Variants in ROBO1 observed in about 807,000 individuals in gnomAD.
ROBO1 encodes roundabout homolog 1.
A neutral mutation model predicts 195.9 loss-of-function variants in ROBO1; 149 were observed. The observed-to-expected ratio is 0.76, with a 90% CI of 0.67 to 0.87. The LOEUF is 0.87. Among genes scored for constraint, ROBO1 ranks in the 40% least tolerant of loss-of-function variants. The probability of loss-of-function intolerance (pLI) is 0.00; values close to 1 mark genes in which losing one functional copy is unlikely to be tolerated. For synonymous variants in ROBO1, 816 were observed against 733.2 expected, an observed-to-expected ratio of 1.11 and a Z score of -1.82; for missense variants, 1,933 against 2,068.3, an observed-to-expected ratio of 0.93 and a Z score of 1.27.
At chr3:79,018,788 T>C in intron 3 of ROBO1, 1 of 1,072,974 alleles carries the variant, frequency 9.3e-7, no homozygotes, top group Non-Finnish European at 1.1e-6. Context: ...GCCTCCACGG[T>C]CTTGCGGAGC....
intron 2 of ROBO1, among the ~76,000 whole-genome samples, chr3:79,265,158 T>C (rs1356418118): frequency 1.3e-5 from 2 of 151,894 alleles, no homozygotes; most frequent in Non-Finnish European, 2.9e-5. Flanking sequence ...ATAATATACA[T>C]AAAATTATGT....
chr3:78,884,619 AAG>A (rs200727951), intron 4 of ROBO1, among the ~76,000 whole-genome samples: 31 of 128,914 alleles, frequency 2.4e-4, no homozygotes, highest in African/African-American at 6.6e-4. Context: ...GAGAGAAAGA[AAG>A]AGAGAAAGAA....
rs189187433 is a variant in ROBO1 at position 79,567,283 on chromosome 3, G to A, written c.88+22541C>T. Among the ~76,000 whole-genome samples, 91 of 152,046 alleles carry A rather than the reference G, an allele frequency of 6.0e-4. No homozygotes were observed. The South Asian group carries it at 8.9e-3, about 15-fold the overall frequency. ...AGAGAATGGGAAGAGGAAGAGTATC[G>A]GGCACTAGGCTTAATACCTGGGTGA... On this transcript the variant is annotated intron_variant, in intron 2 of 30. Coordinates refer to ENST00000464233, the MANE Select transcript of ROBO1 (RefSeq NM_002941.4).
chr3:79,087,801 T>C (rs1013513763), intron 3 of ROBO1, among the ~76,000 whole-genome samples: 3 of 152,104 alleles, frequency 2.0e-5, no homozygotes, highest in Non-Finnish European at 4.4e-5. Context: ...TAAAGACAAC[T>C]TGAGTAGCCT....
rs575897177 is a variant in ROBO1, at chr3:79,310,058, G to C, written c.89-184519C>G. On this transcript the variant is annotated intron_variant, in intron 2 of 30. Transcript: ENST00000464233. Reference sequence around the variant, plus strand: ...CACAATCTAATATGGGGCACACCAGGACCCAAACAGGCCTTGTCTTAGGCC... The same window carrying C: ...CACAATCTAATATGGGGCACACCAGCACCCAAACAGGCCTTGTCTTAGGCC... 3.2e-4 allele frequency among the ~76,000 whole-genome samples: 48 copies of C among 152,120 alleles called. 1 individual carries two copies. In the South Asian group the frequency reaches 6.4e-3, roughly 20 times the overall value.
intron 2 of ROBO1, among the ~76,000 whole-genome samples, chr3:79,293,248 T>C (rs2032366494): frequency 6.6e-6 from 1 of 152,174 alleles, no homozygotes; most frequent in Non-Finnish European, 1.5e-5. Context: ...ATTTTTATTG[T>C]GTCTATTTGA....
chr3:79,145,937 A>C (rs2080639813), intron 2 of ROBO1, among the ~76,000 whole-genome samples: 1 of 151,966 alleles, frequency 6.6e-6, no homozygotes, highest in African/African-American at 2.4e-5. Context: ...GTGATTAGAG[A>C]TTACTTAATT....
intron 2 of ROBO1, among the ~76,000 whole-genome samples, chr3:79,178,763 G>A (rs1281633176): frequency 2.0e-5 from 3 of 152,184 alleles, no homozygotes; most frequent in Admixed American, 2.0e-4. Context: ...AATCACAGAT[G>A]CTGGGGGATT....
chr3:78,860,010 C>T (rs1191939207), intron 4 of ROBO1, among the ~76,000 whole-genome samples: 3 of 150,604 alleles, frequency 2.0e-5, no homozygotes, highest in South Asian at 2.1e-4. Context: ...ACCCAGGAGG[C>T]GGAGCTTGCA....
chr3:79,254,036 T>A (rs1232481765), intron 2 of ROBO1, among the ~76,000 whole-genome samples: 1 of 152,112 alleles, frequency 6.6e-6, no homozygotes, highest in Admixed American at 6.6e-5. Context: ...CTTCTTCTTG[T>A]TTCAGTTATT....
intron 3 of ROBO1, among the ~76,000 whole-genome samples, chr3:79,082,468 T>A (rs1291172969): frequency 6.6e-6 from 1 of 152,144 alleles, no homozygotes; most frequent in Non-Finnish European, 1.5e-5. Context: ...CATTATAAGT[T>A]CAATATATGA....
At chr3:79,171,554 T>C (rs1428640626) in intron 2 of ROBO1, among the ~76,000 whole-genome samples, 3 of 152,060 alleles carry the variant, frequency 2.0e-5, no homozygotes, top group Non-Finnish European at 2.9e-5. Flanking sequence ...ACAGATTACA[T>C]TGTAAACAGC....
intron 1 of ROBO1, among the ~76,000 whole-genome samples, chr3:79,627,812 C>T (rs1945223351): frequency 6.6e-6 from 1 of 152,060 alleles, no homozygotes; most frequent in South Asian, 2.1e-4. Context: ...CAGAAAAAAG[C>T]AACCCCATCA....
At chr3:78,738,596 C>A (rs1427229553) in intron 5 of ROBO1, among the ~76,000 whole-genome samples, 1 of 152,060 alleles carries the variant, frequency 6.6e-6, no homozygotes. Flanking sequence ...TTCGTTTAAA[C>A]CATCTAGGAT....
Position 78,598,862 on chromosome 3 carries a change from C to A in ROBO1, c.*51G>T. On this transcript the variant is annotated 3_prime_UTR_variant, in exon 31 of 31. Coordinates refer to ENST00000464233, the MANE Select transcript of ROBO1 (RefSeq NM_002941.4). Reference sequence around the variant, plus strand: ...GCGTCATGTGTCATCTGACAGGAGGCATCTTGAGTGATGATTTTCACATTA... The same window carrying A: ...GCGTCATGTGTCATCTGACAGGAGGAATCTTGAGTGATGATTTTCACATTA... 7.5e-7 allele frequency: 1 copy of A among 1,329,280 alleles called. No homozygotes were observed. The highest frequency in any genetic ancestry group is 1.4e-5 in the South Asian group (1 of 72,920). 82.3% of individuals were successfully genotyped at this position (1,329,280 alleles called of 1,614,324 possible).
chr3:78,760,161 C>T (rs768334966), intron 4 of ROBO1, among the ~76,000 whole-genome samples: 1 of 152,140 alleles, frequency 6.6e-6, no homozygotes, highest in Non-Finnish European at 1.5e-5. Context: ...ACGTGACTTT[C>T]ACCTTCCGCC....
chr3:78,749,761 C>T (rs941472713), intron 4 of ROBO1, among the ~76,000 whole-genome samples: 1 of 152,124 alleles, frequency 6.6e-6, no homozygotes, highest in African/African-American at 2.4e-5. Flanking sequence ...AAACCAAAAG[C>T]ATCCATAAGT....
At chr3:79,695,773 T>C (rs10212228) in intron 1 of ROBO1, among the ~76,000 whole-genome samples, 91,247 of 151,168 alleles carry the variant, frequency 0.6, 27,780 homozygotes, top group South Asian at 0.7. Flanking sequence ...GTTGAAATGC[T>C]TTACTGCTAA....
chr3:78,850,950 G>A (rs1437425319), intron 4 of ROBO1, among the ~76,000 whole-genome samples: 1 of 151,942 alleles, frequency 6.6e-6, no homozygotes, highest in Non-Finnish European at 1.5e-5. Flanking sequence ...GGGATTACAG[G>A]TGCCTGCCAC....
Sources: allele counts gnomAD v4.1 joint callset (sites outside exome capture counted in the v4.1 genomes callset), GRCh38; gene constraint gnomAD v4.1.1; transcripts MANE v1.5; gene names NCBI Gene and HGNC (gene_info 2026-07-23, HGNC 2026-07-21).